Variants in CD44 observed in about 807,000 individuals in gnomAD.
CD44 encodes the protein CD44 antigen.
A neutral mutation model predicts 88.8 loss-of-function variants in CD44; 49 were observed. The ratio of observed to expected loss-of-function variants is 0.55; its 90% CI spans 0.44 to 0.70. The LOEUF is 0.70. CD44 is among the 30% of genes least tolerant of loss of function. CD44 has a pLI of 0.00. For missense variants in CD44, 883 were observed against 913.8 expected (o/e 0.97, Z 0.43); for synonymous variants, 325 against 312.3 (o/e 1.04, Z -0.43).
intron 1 of CD44, among the ~76,000 whole-genome samples, chr11:35,163,019 G>T (rs975297683): frequency 2.6e-5 from 4 of 152,128 alleles, no homozygotes; most frequent in African/African-American, 9.7e-5. Context: ...CTCTGACTTT[G>T]AAATCAGTGG....
At chr11:35,157,830 C>G (rs112588035) in intron 1 of CD44, among the ~76,000 whole-genome samples, 7 of 152,288 alleles carry the variant, frequency 4.6e-5, no homozygotes, top group African/African-American at 1.7e-4. Context: ...AGAGACAGGA[C>G]TGTTGGGGCA....
At chr11:35,158,313 C>A (rs1942167405) in intron 1 of CD44, among the ~76,000 whole-genome samples, 1 of 152,162 alleles carries the variant, frequency 6.6e-6, no homozygotes, top group Non-Finnish European at 1.5e-5. Flanking sequence ...GTCAAGGACG[C>A]ATTGGGGAGT....
intron 1 of CD44, among the ~76,000 whole-genome samples, chr11:35,160,545 G>A (rs1942468377): frequency 6.6e-6 from 1 of 152,208 alleles, no homozygotes; most frequent in Admixed American, 6.5e-5. Flanking sequence ...TGTAGCGTAA[G>A]TGAGAAAGAT....
chr11:35,204,182 C>T (rs1339158868), intron 9 of CD44, among the ~76,000 whole-genome samples: 2 of 152,150 alleles, frequency 1.3e-5, no homozygotes, highest in Non-Finnish European at 2.9e-5. Flanking sequence ...TTTTCTCAGA[C>T]AGGGTATGTG....
chr11:35,184,471 A>C (rs1945458733), intron 3 of CD44, among the ~76,000 whole-genome samples: 1 of 152,188 alleles, frequency 6.6e-6, no homozygotes, highest in Admixed American at 6.5e-5. Flanking sequence ...CACAACATAC[A>C]AATATCAGAA....
chr11:35,199,236 T>C (rs1947061859), intron 7 of CD44, among the ~76,000 whole-genome samples: 1 of 152,198 alleles, frequency 6.6e-6, no homozygotes, highest in African/African-American at 2.4e-5. Context: ...AGTATCCAAA[T>C]TTTTGACAAT....
chr11:35,181,790 T>TTATA (rs200341331), intron 3 of CD44, among the ~76,000 whole-genome samples: 1 of 114,668 alleles, frequency 8.7e-6, no homozygotes, highest in Non-Finnish European at 1.7e-5. Flanking sequence ...TTATATAAAT[T>TTATA]TATATATAAA....
intron 1 of CD44, among the ~76,000 whole-genome samples, chr11:35,156,713 C>G (rs1941915352): frequency 6.6e-6 from 1 of 152,202 alleles, no homozygotes; most frequent in African/African-American, 2.4e-5. Flanking sequence ...CCTCATGTGT[C>G]TGTTACATTT....
intron 1 of CD44, among the ~76,000 whole-genome samples, chr11:35,145,588 A>G (rs576566557): frequency 6.6e-6 from 1 of 152,168 alleles, no homozygotes; most frequent in Admixed American, 6.5e-5. Context: ...GGAGCCAGTG[A>G]GATGAGGACA....
chr11:35,214,928 T>A lies in CD44; in HGVS notation c.1873+14T>A, dbSNP rs1948700026. 6.6e-7 allele frequency: 1 copy of A among 1,512,584 alleles called. No individual in the cohort carries two copies. Among genetic ancestry groups the A allele is most frequent in the Admixed American group, 2.1e-5 (1 of 46,880 alleles). 93.7% of individuals were successfully genotyped at this position (1,512,584 alleles called of 1,614,324 possible). On this transcript the variant is annotated intron_variant, in intron 15 of 17. Transcript: ENST00000428726. Reference sequence around the variant, plus strand: ...CTGAATCAGATGGTGAGTTCAAAACTGCTTTAGTCATTTACTGTTATAATC... The same window carrying A: ...CTGAATCAGATGGTGAGTTCAAAACAGCTTTAGTCATTTACTGTTATAATC...
chr11:35,215,707 A>G (rs535862126), intron 15 of CD44, among the ~76,000 whole-genome samples: 2 of 151,862 alleles, frequency 1.3e-5, no homozygotes, highest in South Asian at 4.2e-4. Flanking sequence ...CCCTGTCTCT[A>G]CTAAAAATAC....
intron 4 of CD44, among the ~76,000 whole-genome samples, 179 bp downstream of exon 4, chr11:35,187,079 C>A (rs918860053): frequency 1.3e-5 from 2 of 151,848 alleles, no homozygotes; most frequent in Non-Finnish European, 2.9e-5. Flanking sequence ...TTGAGACCAG[C>A]CTGAACAATA....
chr11:35,221,750 G>A lies in CD44; in HGVS notation c.2024+18G>A, dbSNP rs1206729133. ...CGAAGAAGGTAAGGGGCTGTCCTGG[G>A]GGCTTTCAACTTGGAAAGGGCATCA... is the stretch of plus-strand genomic sequence containing the variant. On this transcript the variant is annotated intron_variant, in intron 17 of 17. Coordinates refer to ENST00000428726, the MANE Select transcript of CD44 (RefSeq NM_000610.4). The A allele has an allele frequency of 6.2e-7, 1 of 1,609,920 alleles. No homozygotes were observed. The highest frequency in any genetic ancestry group is 1.3e-5 in the African/African-American group (1 of 74,866).
intron 10 of CD44, chr11:35,205,896 C>T (rs1947791492): frequency 8.3e-7 from 1 of 1,197,730 alleles, no homozygotes; most frequent in African/African-American, 1.6e-5. Flanking sequence ...TTGTGTCCTC[C>T]AGTTCACATG....
chr11:35,180,494 C>T (rs1348319686), intron 3 of CD44, 87 bp downstream of exon 3: 6 of 1,420,266 alleles, frequency 4.2e-6, no homozygotes, highest in Admixed American at 1.7e-5. Context: ...TTCATGTAGC[C>T]TCCATTTACA....
rs868023679 is a variant in CD44, at chr11:35,181,927, T to A, written c.367+1520T>A. Among the ~76,000 whole-genome samples, 19 of 40,446 alleles carry A rather than the reference T, an allele frequency of 4.7e-4. 1 individual carries two copies. The highest frequency in any genetic ancestry group is 1.8e-3 in the African/African-American group (16 of 8,888). 26.5% of individuals were successfully genotyped at this position (40,446 alleles called of 152,430 possible). A position where few individuals can be genotyped will look rare whatever the true frequency, so the allele number is the denominator to read the frequency against. On this transcript the variant is annotated intron_variant, in intron 3 of 17. Transcript: ENST00000428726. The stretch of plus-strand genomic sequence containing the variant: ...ATATAATATATATTATATATTATAT[T>A]ATATATAAATTATATATAATATATA...
intron 1 of CD44, among the ~76,000 whole-genome samples, chr11:35,143,570 T>A (rs1205834904): frequency 6.6e-6 from 1 of 152,124 alleles, no homozygotes; most frequent in Non-Finnish European, 1.5e-5. Flanking sequence ...ACTCCAATGC[T>A]TATGCTCCTT....
rs16927033 is a variant in CD44 at position 35,168,919 on chromosome 11, A to C, written c.68-7656A>C. ...AACTGAGATGATAGCTTGCACATTCAGACAGACAAAGCCAGTTACAAAACT... is the reference window on the plus strand; with the variant it reads ...AACTGAGATGATAGCTTGCACATTCCGACAGACAAAGCCAGTTACAAAACT... On this transcript the variant is annotated intron_variant, in intron 1 of 17. Coordinates refer to ENST00000428726, the MANE Select transcript of CD44 (RefSeq NM_000610.4). Among the ~76,000 whole-genome samples, 1,011 of 152,358 alleles carry C rather than the reference A, an allele frequency of 6.6e-3. 12 individuals are homozygous for C. Among genetic ancestry groups the C allele is most frequent in the African/African-American group, 0.023 (968 of 41,584 alleles).
At chr11:35,144,502 T>C (rs1858709614) in intron 1 of CD44, among the ~76,000 whole-genome samples, 1 of 152,378 alleles carries the variant, frequency 6.6e-6, no homozygotes, top group African/African-American at 2.4e-5. Flanking sequence ...TGATACCTTC[T>C]ACCTTAAATT....
Sources: allele counts gnomAD v4.1 joint callset (sites outside exome capture counted in the v4.1 genomes callset), GRCh38; gene constraint gnomAD v4.1.1; transcripts MANE v1.5; gene names NCBI Gene and HGNC (gene_info 2026-07-23, HGNC 2026-07-21).